The following AKT1 variants were observed in gnomAD, a reference collection of about 807,000 sequenced individuals.
The protein encoded by AKT1 is RAC-alpha serine/threonine-protein kinase.
Under a neutral mutation model 63.1 loss-of-function variants are expected in AKT1, and 21 were observed. That is an observed-to-expected ratio of 0.33 (90% confidence interval 0.24 to 0.48). The LOEUF is 0.48. AKT1 is among the 20% of genes least tolerant of loss of function. The probability of loss-of-function intolerance (pLI) is 0.99; values close to 1 mark genes in which losing one functional copy is unlikely to be tolerated. For synonymous variants in AKT1, 257 were observed against 253.1 expected, an observed-to-expected ratio of 1.02 and a Z score of -0.15; for missense variants, 382 against 666.0, an observed-to-expected ratio of 0.57 and a Z score of 4.69.
chr14:104,779,623 A>AC (rs1323908911), intron 4 of AKT1, among the ~76,000 whole-genome samples: 7 of 149,168 alleles, frequency 4.7e-5, no homozygotes, highest in African/African-American at 1.5e-4. Flanking sequence ...CGGCCCAGAG[A>AC]CCCCCGCCCA....
intron 4 of AKT1, chr14:104,777,360 TGGAGGCAAAGCCAC>T (rs1422813637): frequency 4.8e-6 from 1 of 207,732 alleles, no homozygotes; most frequent in African/African-American, 3.0e-5. Context: ...ACACACACAC[TGGAGGCAAAGCCAC>T]ACCTGGGGCA....
At chr14:104,789,129 G>A (rs564803171) in intron 3 of AKT1, among the ~76,000 whole-genome samples, 19 of 152,314 alleles carry the variant, frequency 1.2e-4, no homozygotes, top group Admixed American at 1.1e-3. Flanking sequence ...GGCCCCTCTC[G>A]GACAGCGACC....
intron 8 of AKT1, 84 bp from the exon 9 acceptor site, chr14:104,774,064 TACC>T: frequency 7.4e-7 from 1 of 1,354,696 alleles, no homozygotes; most frequent in Non-Finnish European, 1.0e-6. Flanking sequence ...CGCTGCTTGA[TACC>T]ACGTCGCCTG....
intron 3 of AKT1, among the ~76,000 whole-genome samples, chr14:104,787,913 G>A (rs1156964785): frequency 6.6e-6 from 1 of 152,202 alleles, no homozygotes; most frequent in African/African-American, 2.4e-5. Flanking sequence ...TTTGAAGTGA[G>A]AACTCAACAA....
intron 8 of AKT1, chr14:104,774,575 C>T (rs915837838): frequency 1.3e-5 from 4 of 304,712 alleles, no homozygotes; most frequent in Non-Finnish European, 2.4e-5. Flanking sequence ...GTAAATACCT[C>T]CTGGGCCAAG....
chr14:104,770,761 GATGGTGATC>G lies in AKT1; in HGVS notation c.1338_1346del (p.Met446_Thr448del). On this transcript the variant is annotated inframe_deletion, in exon 14 of 15. Coordinates refer to ENST00000649815, the MANE Select transcript of AKT1 (RefSeq NM_001382430.1). ...GCCCCTCACCTTGGTCAGGTGGTGT[GATGGTGATC>G]ATCTGGGCCGTGAACTCCTCATCAA... 6.2e-7 allele frequency: 1 copy of G among 1,614,128 alleles called. No individual in the cohort carries two copies.
intron 3 of AKT1, among the ~76,000 whole-genome samples, chr14:104,787,303 G>T (rs1257645682): frequency 6.6e-6 from 1 of 152,170 alleles, no homozygotes; most frequent in East Asian, 1.9e-4. Flanking sequence ...CTGGCCTGGA[G>T]CCCCAGGGCC....
intron 3 of AKT1, among the ~76,000 whole-genome samples, chr14:104,791,470 G>A (rs951691814): frequency 1.4e-4 from 22 of 152,222 alleles, no homozygotes; most frequent in African/African-American, 4.1e-4. Flanking sequence ...TCGAGGCCCC[G>A]CGTGCCATCA....
chr14:104,783,579 AC>A (rs1893186941), intron 3 of AKT1, among the ~76,000 whole-genome samples: 1 of 147,250 alleles, frequency 6.8e-6, no homozygotes, highest in Non-Finnish European at 1.5e-5. Flanking sequence ...GTGGGCACAG[AC>A]CCCCAGGTTG....
At chr14:104,788,013 C>G (rs1229655025) in intron 3 of AKT1, among the ~76,000 whole-genome samples, 1 of 152,204 alleles carries the variant, frequency 6.6e-6, no homozygotes, top group Non-Finnish European at 1.5e-5. Flanking sequence ...GCCCCTCTCC[C>G]GGGTAGGCCC....
At chr14:104,794,633 G>A (rs1270663320) in intron 1 of AKT1, 1 of 152,230 alleles carries the variant, frequency 6.6e-6, no homozygotes, top group South Asian at 2.1e-4. Flanking sequence ...CACAGCTCCC[G>A]GGAGAGGCAA....
chr14:104,772,517 C>A, intron 12 of AKT1, 65 bp from the exon 13 acceptor site: 1 of 1,542,752 alleles, frequency 6.5e-7, no homozygotes, highest in Non-Finnish European at 8.9e-7. Context: ...GGTTCAGGCC[C>A]CTTCCTCCTG....
At chr14:104,776,001 G>A (rs1227252505) in intron 5 of AKT1, 1 of 594,700 alleles carries the variant, frequency 1.7e-6, no homozygotes, top group Non-Finnish European at 2.9e-6. Context: ...GGGACACCCA[G>A]GCTTAGCCCC....
In AKT1 at chr14:104,775,679, C is replaced by G; in HGVS notation, c.408G>C (p.Val136=). Residue 136 remains valine (V), a synonymous_variant, in exon 6 of 15, where the codon GTG becomes GTC. Coordinates refer to ENST00000649815, the MANE Select transcript of AKT1 (RefSeq NM_001382430.1). ...CGCGGTGCTTGGGCTTGGCCAGGGA[C>G]ACCTCCATCTCTTCAGCCCCTGAGT... ...SDNSGAEEME[V]SLAKPKHRVT... 6.2e-7 allele frequency: 1 copy of G among 1,614,054 alleles called. No homozygotes were observed. The highest frequency in any genetic ancestry group is 8.5e-7 in the Non-Finnish European group (1 of 1,179,984).
In AKT1 at chr14:104,770,383, G is replaced by A. The variant is rs2140888171; in HGVS notation, c.1401C>T (p.Pro467=). 1.2e-6 allele frequency: 2 copies of A among 1,612,792 alleles called. No homozygotes were observed. Among genetic ancestry groups the A allele is most frequent in the Non-Finnish European group, 1.7e-6 (2 of 1,179,946 alleles). ...SMECVDSERR[P]HFPQFSYSAS... ...CCGAGTAGGAGAACTGGGGGAAGTG[G>A]GGCCTGCGCTCGCTGTCCACACACT... Residue 467 remains proline (P), a synonymous_variant, in exon 15 of 15, where the codon CCC becomes CCT. Coordinates refer to ENST00000649815, the MANE Select transcript of AKT1 (RefSeq NM_001382430.1).
At chr14:104,777,728 G>GA (rs1414028247) in intron 4 of AKT1, 12 of 985,682 alleles carry the variant, frequency 1.2e-5, no homozygotes, top group Non-Finnish European at 1.4e-5. Flanking sequence ...GGCCAGTGGG[G>GA]GGCCTCTGAC....
intron 3 of AKT1, among the ~76,000 whole-genome samples, chr14:104,788,151 C>G (rs996620222): frequency 2.6e-5 from 4 of 152,210 alleles, no homozygotes; most frequent in African/African-American, 9.6e-5. Context: ...CCAGGGGAGG[C>G]AGAGCTTGGC....
rs374569345 is a variant in AKT1 at position 104,781,057 on chromosome 14, C to T, written c.47-841G>A. Among the ~76,000 whole-genome samples the T allele has an allele frequency of 2.3e-3, 349 of 152,370 alleles. 4 individuals carry two copies. The highest frequency in any genetic ancestry group is 7.6e-3 in the African/African-American group (314 of 41,584). On this transcript the variant is annotated intron_variant, in intron 3 of 14. Coordinates refer to ENST00000649815, the MANE Select transcript of AKT1 (RefSeq NM_001382430.1). ...CTCCCTCAAGTTTTGCAGCATCAGC[C>T]GTACGCAGGCGTTCACACTTCAGAA...
intron 6 of AKT1, 180 bp from the exon 7 acceptor site, chr14:104,775,387 C>A: frequency 8.1e-7 from 1 of 1,227,504 alleles, no homozygotes; most frequent in Non-Finnish European, 1.1e-6. Context: ...CACATGGCTG[C>A]GGCCCCAGCT....
Sources: gnomAD v4.1 joint callset for allele counts (sites outside exome capture counted in the v4.1 genomes callset) on GRCh38, gnomAD v4.1.1 for gene constraint, MANE v1.5 for transcripts, NCBI Gene and HGNC (gene_info 2026-07-23, HGNC 2026-07-21) for gene names.